The following CDYL2 variants were observed in gnomAD, a reference collection of about 807,000 sequenced individuals.
The protein encoded by CDYL2 is chromodomain Y-like protein 2.
Under a neutral mutation model 49.4 loss-of-function variants are expected in CDYL2, and 23 were observed. That is an observed-to-expected ratio of 0.47 (90% CI 0.34 to 0.66). The LOEUF (loss-of-function observed/expected upper bound fraction) is 0.66. Among genes scored for constraint, CDYL2 ranks in the 30% least tolerant of loss-of-function variants. CDYL2 has a pLI of 0.01. For synonymous variants in CDYL2, 360 were observed against 268.8 expected, an observed-to-expected ratio of 1.34 and a Z score of -3.32; for missense variants, 678 against 656.4, an observed-to-expected ratio of 1.03 and a Z score of -0.36.
At chr16:80,656,216 A>T (rs996632580) in intron 2 of CDYL2, among the ~76,000 whole-genome samples, 1 of 152,222 alleles carries the variant, frequency 6.6e-6, no homozygotes, top group Non-Finnish European at 1.5e-5. Flanking sequence ...CACTTCTCCA[A>T]TGTCAGCTGG....
intron 1 of CDYL2, among the ~76,000 whole-genome samples, chr16:80,780,017 A>T (rs889390017): frequency 6.6e-6 from 1 of 152,194 alleles, no homozygotes; most frequent in African/African-American, 2.4e-5. Flanking sequence ...ATGACACATG[A>T]ACACCTATGA....
intron 1 of CDYL2, among the ~76,000 whole-genome samples, chr16:80,703,541 C>A (rs1904316699): frequency 6.6e-6 from 1 of 152,178 alleles, no homozygotes; most frequent in African/African-American, 2.4e-5. Context: ...GCCCACCCAG[C>A]CACTCTGCCC....
intron 1 of CDYL2, among the ~76,000 whole-genome samples, chr16:80,758,128 T>C (rs1906376910): frequency 6.6e-6 from 1 of 152,210 alleles, no homozygotes; most frequent in African/African-American, 2.4e-5. Context: ...ATGATCTTAA[T>C]TGTTGGTAAA....
intron 1 of CDYL2, among the ~76,000 whole-genome samples, chr16:80,803,382 C>T (rs1907985535): frequency 6.6e-6 from 1 of 152,148 alleles, no homozygotes; most frequent in Non-Finnish European, 1.5e-5. Context: ...TGTCCTATGT[C>T]CCCAACACCT....
chr16:80,802,559 G>A (rs891960197), intron 1 of CDYL2, among the ~76,000 whole-genome samples: 4 of 152,186 alleles, frequency 2.6e-5, no homozygotes, highest in African/African-American at 9.7e-5. Context: ...ACTTCACCTT[G>A]TCTCTTAGCA....
chr16:80,657,389 G>A (rs1346442569), intron 2 of CDYL2, among the ~76,000 whole-genome samples: 2 of 152,058 alleles, frequency 1.3e-5, no homozygotes, highest in Non-Finnish European at 2.9e-5. Flanking sequence ...ACAGATAAAA[G>A]GCTAATATCC....
intron 1 of CDYL2, among the ~76,000 whole-genome samples, chr16:80,772,324 C>T (rs1395912299): frequency 6.6e-6 from 1 of 152,096 alleles, no homozygotes; most frequent in Non-Finnish European, 1.5e-5. Flanking sequence ...AGAATAATAA[C>T]AATTTCCAAT....
chr16:80,618,632 C>T (rs528231851), intron 4 of CDYL2, among the ~76,000 whole-genome samples: 1 of 152,270 alleles, frequency 6.6e-6, no homozygotes, highest in Non-Finnish European at 1.5e-5. Context: ...AGCTACAATA[C>T]CTTATTCCTG....
chr16:80,601,348 G>A lies in CDYL2; in HGVS notation c.*3040C>T, dbSNP rs1352548710. On this transcript the variant is annotated 3_prime_UTR_variant, in exon 7 of 7. Coordinates refer to ENST00000570137, the MANE Select transcript of CDYL2 (RefSeq NM_152342.4). The stretch of plus-strand genomic sequence containing the variant: ...TGCTAGAAAGGTCCCTGACTAAAGA[G>A]GTGTCCTCAATTGCCCACCCACAGC... 6 of 152,160 alleles carry A rather than the reference G, an allele frequency of 3.9e-5. No homozygotes were observed. The highest frequency in any genetic ancestry group is 5.9e-5 in the Non-Finnish European group (4 of 68,058). The allele number at this position is 152,160 out of a possible 1,614,324, so 9.4% of individuals were successfully genotyped here.
At chr16:80,611,244 C>T (rs899246549) in intron 5 of CDYL2, among the ~76,000 whole-genome samples, 3 of 152,030 alleles carry the variant, frequency 2.0e-5, no homozygotes, top group Non-Finnish European at 4.4e-5. Context: ...GTGGGTGTGG[C>T]GAGCCGGGCA....
chr16:80,796,741 T>C (rs1412641463), intron 1 of CDYL2, among the ~76,000 whole-genome samples: 1 of 152,112 alleles, frequency 6.6e-6, no homozygotes, highest in Non-Finnish European at 1.5e-5. Context: ...GGATATCACA[T>C]TCACTTTCTT....
intron 1 of CDYL2, chr16:80,742,115 T>C (rs773160644): frequency 3.3e-5 from 5 of 152,200 alleles, no homozygotes; most frequent in Admixed American, 6.5e-5. Context: ...AACTGAGATA[T>C]ACAGAGATCA....
At chr16:80,676,108 C>T (rs1470783028) in intron 2 of CDYL2, among the ~76,000 whole-genome samples, 1 of 152,132 alleles carries the variant, frequency 6.6e-6, no homozygotes, top group Non-Finnish European at 1.5e-5. Context: ...AGTCGGATTT[C>T]CCATCACAGC....
intron 1 of CDYL2, among the ~76,000 whole-genome samples, chr16:80,696,945 T>G (rs1160358026): frequency 6.6e-6 from 1 of 152,138 alleles, no homozygotes; most frequent in African/African-American, 2.4e-5. Flanking sequence ...TGCAGTGCCC[T>G]ATGATTGCAT....
chr16:80,746,279 C>A (rs942968183), intron 1 of CDYL2, among the ~76,000 whole-genome samples: 1 of 152,200 alleles, frequency 6.6e-6, no homozygotes, highest in African/African-American at 2.4e-5. Context: ...TAAATTGATA[C>A]CAAATTATCC....
chr16:80,659,708 T>C (rs1196114387), intron 2 of CDYL2, among the ~76,000 whole-genome samples: 1 of 151,952 alleles, frequency 6.6e-6, no homozygotes, highest in Non-Finnish European at 1.5e-5. Flanking sequence ...TCCTTCATAG[T>C]TTTCTGTAAG....
At chr16:80,788,006 C>T (rs1907491626) in intron 1 of CDYL2, among the ~76,000 whole-genome samples, 1 of 151,940 alleles carries the variant, frequency 6.6e-6, no homozygotes, top group Non-Finnish European at 1.5e-5. Context: ...AAGTACAGTA[C>T]ATGGTAGTAA....
chr16:80,612,896 A>G lies in CDYL2; in HGVS notation c.1008-60T>C. On this transcript the variant is annotated intron_variant, in intron 4 of 6. Transcript: ENST00000570137. This position sits in a 1 kb window ranked among gnomAD's most constrained non-coding sequence, Gnocchi z 5.0. ...CTATAGCATGCTAAGCCCCACTGGAACCCTTGACTCTCCCAGGTGCTGTGA... is the reference window on the plus strand; with the variant it reads ...CTATAGCATGCTAAGCCCCACTGGAGCCCTTGACTCTCCCAGGTGCTGTGA... The G allele has an allele frequency of 6.9e-7, 1 of 1,455,434 alleles. No homozygotes were observed. Among genetic ancestry groups the G allele is most frequent in the Non-Finnish European group, 9.3e-7 (1 of 1,079,986 alleles). 90.2% of individuals were successfully genotyped at this position (1,455,434 alleles called of 1,614,324 possible).
chr16:80,747,832 G>A (rs1387857203), intron 1 of CDYL2, among the ~76,000 whole-genome samples: 1 of 151,928 alleles, frequency 6.6e-6, no homozygotes, highest in Non-Finnish European at 1.5e-5. Flanking sequence ...GGCTTCCTCT[G>A]GTCCTTCTGA....
Sources: allele counts gnomAD v4.1 joint callset (sites outside exome capture counted in the v4.1 genomes callset), GRCh38; gene constraint gnomAD v4.1.1; non-coding constraint Gnocchi (gnomAD v3.1); transcripts MANE v1.5; gene names NCBI Gene and HGNC (gene_info 2026-07-23, HGNC 2026-07-21).